CNTN6: variants seen among roughly 807,000 people sequenced by gnomAD.
CNTN6 encodes contactin-6.
CNTN6 carries 137 observed loss-of-function variants against 122.8 expected under a neutral mutation model. The observed-to-expected ratio is 1.12, with a 90% confidence interval of 0.97 to 1.29. CNTN6 has a LOEUF of 1.29. Ranked by LOEUF, CNTN6 falls within the 50% of genes most tolerant of loss-of-function variation. The pLI, the probability that CNTN6 is intolerant of heterozygous loss-of-function variation, is 0.00. For synonymous variants in CNTN6, 570 were observed against 426.0 expected (o/e 1.34, Z -4.16); for missense variants, 1,634 against 1,223.4 (o/e 1.34, Z -5.01).
intron 7 of CNTN6, among the ~76,000 whole-genome samples, chr3:1,300,505 AAGAG>A (rs1170891322): frequency 8.7e-5 from 12 of 138,364 alleles, no homozygotes; most frequent in African/African-American, 3.9e-4. Context: ...AAAGAAAAGA[AAGAG>A]AAAGAAAGAA....
intron 2 of CNTN6, among the ~76,000 whole-genome samples, chr3:1,151,358 G>A (rs1486577130): frequency 6.6e-6 from 1 of 152,062 alleles, no homozygotes; most frequent in East Asian, 1.9e-4. Context: ...TATCCTCTGG[G>A]GAACTGTTAG....
chr3:1,103,087 CAG>C (rs1287427367), intron 1 of CNTN6, among the ~76,000 whole-genome samples: 2 of 151,992 alleles, frequency 1.3e-5, no homozygotes, highest in Non-Finnish European at 2.9e-5. Context: ...GCCTGGGCGA[CAG>C]AGCCAGACTC....
rs116240522 is a variant in CNTN6, at chr3:1,366,686, A to C, written c.1493-5613A>C. On this transcript the variant is annotated intron_variant, in intron 12 of 22. Transcript: ENST00000446702. Reference sequence around the variant, plus strand: ...ATGTTAGTGCTGGGGCTGAGGCTGCACATGGCTGTAGAATGAACTCTTTGA... The same window carrying C: ...ATGTTAGTGCTGGGGCTGAGGCTGCCCATGGCTGTAGAATGAACTCTTTGA... 4.0e-3 allele frequency among the ~76,000 whole-genome samples: 613 copies of C among 152,282 alleles called. 8 individuals carry two copies. Among genetic ancestry groups the C allele is most frequent in the African/African-American group, 0.014 (580 of 41,560 alleles).
chr3:1,356,965 C>A (rs1706657333), intron 12 of CNTN6, among the ~76,000 whole-genome samples: 1 of 151,816 alleles, frequency 6.6e-6, no homozygotes, highest in Non-Finnish European at 1.5e-5. Flanking sequence ...TCAATTTAAG[C>A]AAGCCCACTA....
chr3:1,164,626 A>G (rs541250171), intron 2 of CNTN6, among the ~76,000 whole-genome samples: 1 of 152,186 alleles, frequency 6.6e-6, no homozygotes, highest in Non-Finnish European at 1.5e-5. Flanking sequence ...GTAGAATGTG[A>G]TTAGGATACT....
chr3:1,094,276 C>T (rs2090399679), intron 1 of CNTN6, among the ~76,000 whole-genome samples: 1 of 152,000 alleles, frequency 6.6e-6, no homozygotes, highest in Non-Finnish European at 1.5e-5. Context: ...TTCCCTCCTC[C>T]TTCACACACA....
In CNTN6 at chr3:1,113,266, C is replaced by T. The variant is rs559239020; in HGVS notation, c.-83+20146C>T. ...CTTTGGATTAACTAGTAACCAAATG[C>T]ATTCACAAATATTGATGTTATTCAA... On this transcript the variant is annotated intron_variant, in intron 1 of 22. Transcript: ENST00000446702. 2.0e-5 allele frequency among the ~76,000 whole-genome samples: 3 copies of T among 152,242 alleles called. No individual in the cohort carries two copies. In the South Asian group the frequency reaches 6.2e-4, roughly 32 times the overall value.
chr3:1,344,588 C>G (rs563317626), intron 11 of CNTN6, among the ~76,000 whole-genome samples: 2 of 152,006 alleles, frequency 1.3e-5, no homozygotes, highest in East Asian at 3.9e-4. Flanking sequence ...CTGCTAGATA[C>G]GAGGAGAAGA....
intron 7 of CNTN6, among the ~76,000 whole-genome samples, chr3:1,314,522 A>G (rs7651434): frequency 0.075 from 11,387 of 152,154 alleles, 683 homozygotes; most frequent in African/African-American, 0.16. Flanking sequence ...ACTAGTAATA[A>G]AAATTCTATT....
chr3:1,383,841 T>TTCTAGAA (rs1303879090), intron 19 of CNTN6, among the ~76,000 whole-genome samples: 1 of 141,442 alleles, frequency 7.1e-6, no homozygotes, highest in Non-Finnish European at 1.6e-5. Flanking sequence ...ATTCAGAAAT[T>TTCTAGAA]TCTAGAAAAA....
chr3:1,311,259 A>G (rs1699198942), intron 7 of CNTN6, among the ~76,000 whole-genome samples: 1 of 147,016 alleles, frequency 6.8e-6, no homozygotes, highest in Non-Finnish European at 1.5e-5. Flanking sequence ...ATATATTTGT[A>G]TATGTGTATA....
At position 1,373,946 on chromosome 3, in the gene CNTN6, G is replaced by A; in HGVS notation, c.1968G>A (p.Lys656=). 6.2e-7 allele frequency: 1 copy of A among 1,612,128 alleles called. No homozygotes were observed. ...TAGTTCCAGAAATTCTCAATGGTAA[G>A]ACATACAATGCAACAGTGGTTGGTT... ...VATVPEILNG[K]TYNATVVGLS... is the part of the protein sequence containing the mutation. The change falls in exon 16 of 23, where the codon AAG becomes AAA. Residue 656 remains lysine (K), a synonymous_variant. Coordinates refer to ENST00000446702, the MANE Select transcript of CNTN6 (RefSeq NM_001289080.2).
At chr3:1,284,205 G>C (rs1441809507) in intron 5 of CNTN6, among the ~76,000 whole-genome samples, 1 of 152,146 alleles carries the variant, frequency 6.6e-6, no homozygotes, top group Admixed American at 6.5e-5. Flanking sequence ...CCCACTGTTT[G>C]TATTTGCATC....
chr3:1,291,626 A>G (rs764724817), intron 5 of CNTN6, among the ~76,000 whole-genome samples: 3 of 152,226 alleles, frequency 2.0e-5, no homozygotes, highest in African/African-American at 7.2e-5. Flanking sequence ...TGAGGAGTCA[A>G]TGACAACAGG....
At chr3:1,255,632 A>G (rs544028449) in intron 4 of CNTN6, among the ~76,000 whole-genome samples, 17 of 152,146 alleles carry the variant, frequency 1.1e-4, no homozygotes, top group Middle Eastern at 3.4e-3. Context: ...TACCTAATTT[A>G]TTACATGATT....
At position 1,295,742 on chromosome 3, in the gene CNTN6, C is replaced by G. The variant is rs1217692836; in HGVS notation, c.596C>G (p.Thr199Ser). The change falls in exon 6 of 23, where the codon ACT becomes AGT. Residue 199 changes from threonine (T) to serine (S), a missense_variant. Thr to Ser is a moderately conservative substitution (Grantham distance 58). Coordinates refer to ENST00000446702, the MANE Select transcript of CNTN6 (RefSeq NM_001289080.2). ...GTGGGCAACTACACTTGCTTTATAA[C>G]TAACAAAGAGGCCCAGAGAAGTGTT... ...SDVGNYTCFI[T>S]NKEAQRSVQG... 2 of 1,614,054 alleles carry G rather than the reference C, an allele frequency of 1.2e-6. No individual in the cohort carries two copies. Among genetic ancestry groups the G allele is most frequent in the South Asian group, 2.2e-5 (2 of 91,078 alleles).
At chr3:1,383,711 T>G (rs1692303277) in intron 19 of CNTN6, among the ~76,000 whole-genome samples, 1 of 152,242 alleles carries the variant, frequency 6.6e-6, no homozygotes, top group Non-Finnish European at 1.5e-5. Flanking sequence ...GTTTTGAAAT[T>G]GCTTCTGCAG....
At chr3:1,304,840 A>G (rs1158686201) in intron 7 of CNTN6, among the ~76,000 whole-genome samples, 5 of 151,968 alleles carry the variant, frequency 3.3e-5, no homozygotes, top group Non-Finnish European at 1.5e-5. Flanking sequence ...AAAAAATACA[A>G]AAAATTAGCC....
chr3:1,308,778 A>G (rs1698766888), intron 7 of CNTN6, among the ~76,000 whole-genome samples: 1 of 151,904 alleles, frequency 6.6e-6, no homozygotes, highest in South Asian at 2.1e-4. Flanking sequence ...AATCTACACC[A>G]GCATTTGATA....
Sources: gnomAD v4.1 joint callset for allele counts (sites outside exome capture counted in the v4.1 genomes callset) on GRCh38, gnomAD v4.1.1 for gene constraint, MANE v1.5 for transcripts, NCBI Gene and HGNC (gene_info 2026-07-23, HGNC 2026-07-21) for gene names.